Variants in DTWD1 observed in about 807,000 individuals in gnomAD.
The protein encoded by DTWD1 is tRNA-uridine aminocarboxypropyltransferase 1.
In DTWD1, 27 loss-of-function variants were observed where a neutral mutation model predicts 30.2. That is an observed-to-expected ratio of 0.90 (90% CI 0.66 to 1.23). The LOEUF (loss-of-function observed/expected upper bound fraction) is 1.23. Among genes scored for constraint, DTWD1 ranks in the 50% most tolerant of loss-of-function variants. The pLI is 0.00. For synonymous variants in DTWD1, 99 were observed against 113.1 expected (o/e 0.88, Z 0.79); for missense variants, 342 against 348.8 (o/e 0.98, Z 0.15).
chr15:49,625,610 C>G, intron 2 of DTWD1, 179 bp downstream of exon 2: 1 of 651,410 alleles, frequency 1.5e-6, no homozygotes. Flanking sequence ...GGCACATTTA[C>G]TTCTGCAGAA....
intron 3 of DTWD1, 39 bp from the exon 4 acceptor site, chr15:49,634,496 TC>T: frequency 1.3e-6 from 2 of 1,533,008 alleles, no homozygotes; most frequent in Non-Finnish European, 1.7e-6. Flanking sequence ...ATTTTGAAGA[TC>T]ATAGTAGCAC....
rs956383548 is a variant in DTWD1, at chr15:49,645,906, G to A, written c.*2328G>A. On this transcript the variant is annotated 3_prime_UTR_variant, in exon 5 of 5. Coordinates refer to ENST00000403028, the MANE Select transcript of DTWD1 (RefSeq NM_001144955.2). ...TGTTTTTTGTTTTTTTGGTGTGATA[G>A]ATGTAACAGTGGCCCTAATTCTTTA... 6.6e-6 allele frequency: 1 copy of A among 152,100 alleles called. No homozygotes were observed. The highest frequency in any genetic ancestry group is 1.5e-5 in the Non-Finnish European group (1 of 68,044). 9.4% of individuals were successfully genotyped at this position (152,100 alleles called of 1,614,324 possible).
chr15:49,623,720 AG>A (rs1208027331), intron 1 of DTWD1: 2 of 152,206 alleles, frequency 1.3e-5, no homozygotes, highest in African/African-American at 4.8e-5. Context: ...CTGAGGCTCA[AG>A]AAAAGAGGGC....
intron 3 of DTWD1, 112 bp downstream of exon 3, chr15:49,632,414 A>G (rs1225373686): frequency 9.6e-7 from 1 of 1,044,838 alleles, no homozygotes; most frequent in Non-Finnish European, 1.4e-6. Flanking sequence ...TTAGTAAAGT[A>G]TTATGCTCAG....
chr15:49,642,796 G>C (rs2079080874), intron 4 of DTWD1, among the ~76,000 whole-genome samples: 1 of 152,042 alleles, frequency 6.6e-6, no homozygotes, highest in Admixed American at 6.6e-5. Context: ...ATATGGTGGT[G>C]TGCACATGTA....
rs2079093787 is a variant in DTWD1 at position 49,643,654 on chromosome 15, G to T, written c.*76G>T. On this transcript the variant is annotated 3_prime_UTR_variant, in exon 5 of 5. Transcript: ENST00000403028. ...ATATTTGTGCTTTGTTTTTTCTTAAGAAATAATCATATATAATGCCTGTAA... is the reference window on the plus strand; with the variant it reads ...ATATTTGTGCTTTGTTTTTTCTTAATAAATAATCATATATAATGCCTGTAA... 1 of 1,453,204 alleles carries T rather than the reference G, an allele frequency of 6.9e-7. No homozygotes were observed. The highest frequency in any genetic ancestry group is 9.2e-7 in the Non-Finnish European group (1 of 1,084,428). The allele number at this position is 1,453,204 out of a possible 1,614,324, so 90.0% of individuals were successfully genotyped here. A position where few individuals can be genotyped will look rare whatever the true frequency, so the allele number is the denominator to read the frequency against.
chr15:49,623,105 AG>A (rs1280738982), intron 1 of DTWD1, among the ~76,000 whole-genome samples: 1 of 152,236 alleles, frequency 6.6e-6, no homozygotes, highest in African/African-American at 2.4e-5. Flanking sequence ...TGACATCCAC[AG>A]GAACTACATT....
chr15:49,640,991 T>A (rs972770057), intron 4 of DTWD1, among the ~76,000 whole-genome samples: 51 of 152,030 alleles, frequency 3.4e-4, no homozygotes, highest in African/African-American at 1.2e-3. Context: ...TCTGTGTAAG[T>A]AATGCCAATT....
rs1220390122 is a variant in DTWD1, at chr15:49,650,377, G to T, written c.*6799G>T. 5 of 152,070 alleles carry T rather than the reference G, an allele frequency of 3.3e-5. No individual in the cohort carries two copies. Among genetic ancestry groups the T allele is most frequent in the Non-Finnish European group, 7.4e-5 (5 of 68,016 alleles). The allele number at this position is 152,070 out of a possible 1,614,324, so 9.4% of individuals were successfully genotyped here. On this transcript the variant is annotated 3_prime_UTR_variant, in exon 5 of 5. Transcript: ENST00000403028. ...AAGAGAGTAAGAAATAAAATAGGAA[G>T]ATCAATTAGAATGCTATTTCAGTAG...
chr15:49,625,196 A>G lies in DTWD1; in HGVS notation c.29A>G (p.Lys10Arg). The change falls in exon 2 of 5, where the codon AAA becomes AGA. Residue 10 changes from lysine to arginine, a missense_variant. Physicochemically the swap from Lys to Arg is conservative, Grantham distance 26. Coordinates refer to ENST00000403028, the MANE Select transcript of DTWD1 (RefSeq NM_001144955.2). ...TCTCTCAATCCACCTATATTTCTCA[A>G]ACGAAGTGAAGAAAATAGTTCAAAA... is the stretch of plus-strand genomic sequence containing the variant. MSLNPPIFL[K>R]RSEENSSKFV... 1.2e-6 allele frequency: 2 copies of G among 1,613,426 alleles called. 1 individual carries two copies. Among genetic ancestry groups the G allele is most frequent in the South Asian group, 2.2e-5 (2 of 91,052 alleles).
Position 49,633,049 on chromosome 15 carries a change from C to CTATATATCTATATA in DTWD1, c.408+754_408+755insCTATATATATATAT, listed in dbSNP as rs2078948133. ...TTTACTTTCCTATTTATATCTATAT[C>CTATATATCTATATA]TATATATATATATATATATATGTAT... On this transcript the variant is annotated intron_variant, in intron 3 of 4. Transcript: ENST00000403028. 2.3e-4 allele frequency among the ~76,000 whole-genome samples: 27 copies of CTATATATCTATATA among 117,338 alleles called. 1 individual carries two copies. Among genetic ancestry groups the CTATATATCTATATA allele is most frequent in the Admixed American group, 1.0e-3 (12 of 11,752 alleles). 77.0% of individuals were successfully genotyped at this position (117,338 alleles called of 152,430 possible).
chr15:49,653,388 C>G lies in DTWD1; in HGVS notation c.*9810C>G, dbSNP rs1290313667. 1 of 152,124 alleles carries G rather than the reference C, an allele frequency of 6.6e-6. No individual in the cohort carries two copies. The highest frequency in any genetic ancestry group is 1.9e-4 in the East Asian group (1 of 5,188). 9.4% of individuals were successfully genotyped at this position (152,124 alleles called of 1,614,324 possible). ...GCTGGAAAAAGCAAAGAAACAGATTCTTTCCAGAGTGTCCAGAAAGGAATG... is the reference window on the plus strand; with the variant it reads ...GCTGGAAAAAGCAAAGAAACAGATTGTTTCCAGAGTGTCCAGAAAGGAATG... On this transcript the variant is annotated 3_prime_UTR_variant, in exon 5 of 5. Coordinates refer to ENST00000403028, the MANE Select transcript of DTWD1 (RefSeq NM_001144955.2).
Position 49,651,160 on chromosome 15 carries a change from CAA to C in DTWD1, c.*7584_*7585del. ...GAAAGAGGGCTTCTTTGGTTGCATACAAATCTCATCTAGAATTTAATAGTCCA... is the reference window on the plus strand; with the variant it reads ...GAAAGAGGGCTTCTTTGGTTGCATACATCTCATCTAGAATTTAATAGTCCA... On this transcript the variant is annotated 3_prime_UTR_variant, in exon 5 of 5. Coordinates refer to ENST00000403028, the MANE Select transcript of DTWD1 (RefSeq NM_001144955.2). 1 of 152,232 alleles carries C rather than the reference CAA, an allele frequency of 6.6e-6. No homozygotes were observed. Among genetic ancestry groups the C allele is most frequent in the Admixed American group, 6.5e-5 (1 of 15,302 alleles). 9.4% of individuals were successfully genotyped at this position (152,232 alleles called of 1,614,324 possible).
In DTWD1 at chr15:49,643,403, T is replaced by G; in HGVS notation, c.740T>G (p.Phe247Cys). The change falls in exon 5 of 5, where the codon TTC becomes TGC. Residue 247 changes from phenylalanine to cysteine, a missense_variant. Phe to Cys is a radical substitution (Grantham distance 205). Transcript: ENST00000403028. ...WRHQKGKPDT[F>C]LSTIEAIYYF... Reference sequence around the variant, plus strand: ...CATCAAAAAGGAAAGCCAGATACTTTCCTTTCTACAATTGAAGCCATTTAC... The same window carrying G: ...CATCAAAAAGGAAAGCCAGATACTTGCCTTTCTACAATTGAAGCCATTTAC... 1.2e-6 allele frequency: 2 copies of G among 1,601,678 alleles called. No individual in the cohort carries two copies. Among genetic ancestry groups the G allele is most frequent in the Non-Finnish European group, 1.7e-6 (2 of 1,175,318 alleles).
At chr15:49,624,020 G>T (rs1422585619) in intron 1 of DTWD1, among the ~76,000 whole-genome samples, 1 of 149,602 alleles carries the variant, frequency 6.7e-6, no homozygotes, top group African/African-American at 2.5e-5. Context: ...CTCTTTATTT[G>T]TATCTCAAAC....
chr15:49,651,664 T>C lies in DTWD1; in HGVS notation c.*8086T>C, dbSNP rs2079152959. 6.6e-6 allele frequency: 1 copy of C among 152,208 alleles called. No homozygotes were observed. Among genetic ancestry groups the C allele is most frequent in the Admixed American group, 6.5e-5 (1 of 15,276 alleles). The allele number at this position is 152,208 out of a possible 1,614,324, so 9.4% of individuals were successfully genotyped here. A position where few individuals can be genotyped will look rare whatever the true frequency, so the allele number is the denominator to read the frequency against. Reference sequence around the variant, plus strand: ...CACACTGGAAGGACCAGCATTTCCTTGTCATAGAAATAGACACAATTTCCA... The same window carrying C: ...CACACTGGAAGGACCAGCATTTCCTCGTCATAGAAATAGACACAATTTCCA... On this transcript the variant is annotated 3_prime_UTR_variant, in exon 5 of 5. Coordinates refer to ENST00000403028, the MANE Select transcript of DTWD1 (RefSeq NM_001144955.2).
intron 2 of DTWD1, among the ~76,000 whole-genome samples, chr15:49,628,559 AG>A (rs113797166): frequency 0.06 from 9,084 of 152,284 alleles, 704 homozygotes; most frequent in African/African-American, 0.18. Flanking sequence ...AGAATTTAAA[AG>A]GCTCTCTTGG....
Position 49,646,495 on chromosome 15 carries a change from A to T in DTWD1, c.*2917A>T, listed in dbSNP as rs183952109. On this transcript the variant is annotated 3_prime_UTR_variant, in exon 5 of 5. Transcript: ENST00000403028. ...GCCATATGTTCAGAATCCCTGGCCT[A>T]TAACAACACTTCTGTGCTTTAAAAA... The T allele has an allele frequency of 6.6e-6, 1 of 152,100 alleles. No homozygotes were observed. The highest frequency in any genetic ancestry group is 2.4e-5 in the African/African-American group (1 of 41,426). The allele number at this position is 152,100 out of a possible 1,614,324, so 9.4% of individuals were successfully genotyped here.
rs1226927213 is a variant in DTWD1 at position 49,630,988 on chromosome 15, T to A, written c.265-1171T>A. 8.9e-6 allele frequency: 4 copies of A among 447,684 alleles called. No individual in the cohort carries two copies. The Admixed American group carries it at 9.5e-5, about 11-fold the overall frequency. 27.7% of individuals were successfully genotyped at this position (447,684 alleles called of 1,614,324 possible). A position where few individuals can be genotyped will look rare whatever the true frequency, so the allele number is the denominator to read the frequency against. Reference sequence around the variant, plus strand: ...CAATGCCTGAAGATCTGTCACTGTCTCCCATGTCCTAGATGGGACCATCAA... The same window carrying A: ...CAATGCCTGAAGATCTGTCACTGTCACCCATGTCCTAGATGGGACCATCAA... On this transcript the variant is annotated intron_variant, in intron 2 of 4. Transcript: ENST00000403028.
Sources: gnomAD v4.1 joint callset for allele counts (sites outside exome capture counted in the v4.1 genomes callset) on GRCh38, gnomAD v4.1.1 for gene constraint, MANE v1.5 for transcripts, NCBI Gene and HGNC (gene_info 2026-07-23, HGNC 2026-07-21) for gene names.